Variants in ZBTB20 observed in about 807,000 individuals in gnomAD.
ZBTB20 encodes zinc finger and BTB domain containing 20.
ZBTB20 carries 9 observed loss-of-function variants against 56.9 expected under a neutral mutation model. The ratio of observed to expected loss-of-function variants is 0.16; its 90% CI spans 0.10 to 0.28. The LOEUF (loss-of-function observed/expected upper bound fraction) is 0.28, where lower values mean the gene tolerates loss of function less well. Among genes scored for constraint, ZBTB20 ranks in the 10% least tolerant of loss-of-function variants. The pLI is 1.00. For missense variants in ZBTB20, 655 were observed against 1,003.0 expected (o/e 0.65, Z 4.69); for synonymous variants, 417 against 420.7 (o/e 0.99, Z 0.11).
rs144433926 is a variant in ZBTB20, at chr3:114,562,014, A to G, written c.-294-61623T>C. ...TTGATACTTCACTTTGCACTTTTAT[A>G]TTATAGAGATGGCTTCTTTAATTCA... On this transcript the variant is annotated intron_variant, in intron 6 of 11. Transcript: ENST00000675478. Among the ~76,000 whole-genome samples, 10 of 152,222 alleles carry G rather than the reference A, an allele frequency of 6.6e-5. No homozygotes were observed. The East Asian group carries it at 1.9e-3, about 29-fold the overall frequency.
chr3:114,651,749 C>T (rs1199085289), intron 6 of ZBTB20, among the ~76,000 whole-genome samples: 1 of 151,950 alleles, frequency 6.6e-6, no homozygotes, highest in Non-Finnish European at 1.5e-5. Flanking sequence ...AAAGTGAACA[C>T]GAGCAGTGAA....
intron 6 of ZBTB20, among the ~76,000 whole-genome samples, chr3:114,538,000 G>A (rs977033695): frequency 6.6e-6 from 1 of 152,058 alleles, no homozygotes; most frequent in Non-Finnish European, 1.5e-5. Context: ...GGGGCTAGGG[G>A]AGGGATAGCA....
intron 6 of ZBTB20, among the ~76,000 whole-genome samples, chr3:114,531,568 C>T (rs1479615337): frequency 1.3e-5 from 2 of 152,142 alleles, no homozygotes; most frequent in African/African-American, 2.4e-5. Context: ...TTCTCACAAT[C>T]AGGACTGGAT....
intron 1 of ZBTB20, among the ~76,000 whole-genome samples, chr3:115,131,132 CA>C (rs2084493586): frequency 6.6e-6 from 1 of 152,124 alleles, no homozygotes; most frequent in African/African-American, 2.4e-5. Flanking sequence ...GGGTTTTGAA[CA>C]TGTTTTTAGC....
chr3:114,699,680 T>G (rs1248882631), intron 5 of ZBTB20, among the ~76,000 whole-genome samples: 1 of 152,116 alleles, frequency 6.6e-6, no homozygotes, highest in Admixed American at 6.6e-5. Flanking sequence ...TTCAAAAAGT[T>G]TTTTATTTCT....
At chr3:114,684,996 C>G (rs2062242425) in intron 6 of ZBTB20, among the ~76,000 whole-genome samples, 1 of 152,112 alleles carries the variant, frequency 6.6e-6, no homozygotes, top group Admixed American at 6.6e-5. Context: ...AAAGCTCTTT[C>G]CATCTTATAT....
chr3:114,950,285 A>G (rs1284407283), intron 3 of ZBTB20, among the ~76,000 whole-genome samples: 3 of 152,196 alleles, frequency 2.0e-5, no homozygotes, highest in Non-Finnish European at 4.4e-5. Context: ...CCTATTTAAG[A>G]TTTAATTTAT....
chr3:114,459,685 G>C (rs1311135025), intron 7 of ZBTB20, among the ~76,000 whole-genome samples: 1 of 151,944 alleles, frequency 6.6e-6, no homozygotes, highest in Non-Finnish European at 1.5e-5. Flanking sequence ...ACATGTAAAA[G>C]GGGCATACTT....
intron 5 of ZBTB20, among the ~76,000 whole-genome samples, chr3:114,789,591 G>A (rs1458737311): frequency 6.6e-6 from 1 of 152,118 alleles, no homozygotes; most frequent in Non-Finnish European, 1.5e-5. Context: ...TTAAAAGCCG[G>A]TTAGGGCCTG....
chr3:114,393,509 A>G (rs1290372982), intron 7 of ZBTB20, among the ~76,000 whole-genome samples: 1 of 152,114 alleles, frequency 6.6e-6, no homozygotes, highest in African/African-American at 2.4e-5. Context: ...AGTGTCACCT[A>G]GCTCCATCTT....
intron 1 of ZBTB20, among the ~76,000 whole-genome samples, chr3:115,096,046 C>A (rs981573089): frequency 3.3e-5 from 5 of 152,150 alleles, no homozygotes; most frequent in Non-Finnish European, 5.9e-5. Flanking sequence ...GACTTGAAAG[C>A]TTGGTGTAAA....
intron 6 of ZBTB20, among the ~76,000 whole-genome samples, chr3:114,674,541 A>G (rs1367492603): frequency 6.6e-6 from 1 of 152,204 alleles, no homozygotes. Flanking sequence ...GTAGCCTCAA[A>G]GATTTCCATT....
chr3:114,816,239 G>A (rs145442693), intron 4 of ZBTB20, among the ~76,000 whole-genome samples: 5 of 152,088 alleles, frequency 3.3e-5, no homozygotes, highest in Non-Finnish European at 5.9e-5. Flanking sequence ...TCATTAAAAC[G>A]ATTGTTTTGA....
intron 4 of ZBTB20, among the ~76,000 whole-genome samples, chr3:114,841,951 G>C (rs1329004620): frequency 6.6e-6 from 1 of 152,192 alleles, no homozygotes; most frequent in Non-Finnish European, 1.5e-5. Context: ...GGTTAAGTAA[G>C]ACTAGCAAGG....
intron 6 of ZBTB20, among the ~76,000 whole-genome samples, chr3:114,605,489 A>G (rs574801466): frequency 6.6e-6 from 1 of 152,342 alleles, no homozygotes; most frequent in Admixed American, 6.5e-5. Context: ...TCATTCAATC[A>G]TTCATTTGTA....
chr3:114,640,282 C>T (rs2059489635), intron 6 of ZBTB20, among the ~76,000 whole-genome samples: 1 of 152,034 alleles, frequency 6.6e-6, no homozygotes, highest in Non-Finnish European at 1.5e-5. Context: ...ACTACAGGGA[C>T]AGGGCGGGGT....
At chr3:114,525,033 T>C (rs139001514) in intron 6 of ZBTB20, among the ~76,000 whole-genome samples, 1 of 152,264 alleles carries the variant, frequency 6.6e-6, no homozygotes, top group Non-Finnish European at 1.5e-5. Context: ...GAATACTCTC[T>C]ACTCTCCCCC....
chr3:114,509,410 A>AGTGTGT (rs1216698443), intron 6 of ZBTB20, among the ~76,000 whole-genome samples: 1 of 138,320 alleles, frequency 7.2e-6, no homozygotes, highest in African/African-American at 2.6e-5. Flanking sequence ...GTATTTGGGG[A>AGTGTGT]GTGTGTGTGT....
intron 10 of ZBTB20, among the ~76,000 whole-genome samples, chr3:114,364,078 C>G (rs1267823277): frequency 6.7e-6 from 1 of 148,280 alleles, no homozygotes; most frequent in African/African-American, 2.5e-5. Context: ...TTTTTTTTCA[C>G]TAGCATACAT....
Sources: allele counts gnomAD v4.1 joint callset (sites outside exome capture counted in the v4.1 genomes callset), GRCh38; gene constraint gnomAD v4.1.1; transcripts MANE v1.5; gene names NCBI Gene and HGNC (gene_info 2026-07-23, HGNC 2026-07-21).